ZNF292: variants seen among roughly 807,000 people sequenced by gnomAD.
ZNF292 encodes the protein 16 zinc-finger domain protein.
A neutral mutation model predicts 217.9 loss-of-function variants in ZNF292; 26 were observed. The ratio of observed to expected loss-of-function variants is 0.12; its 90% CI spans 0.09 to 0.17. The LOEUF (loss-of-function observed/expected upper bound fraction) is 0.17, where lower values mean the gene tolerates loss of function less well. ZNF292 is among the 10% of genes least tolerant of loss of function. The probability of loss-of-function intolerance (pLI) is 1.00; values close to 1 mark genes in which losing one functional copy is unlikely to be tolerated. For synonymous variants in ZNF292, 1,257 were observed against 1,124.1 expected (o/e 1.12, Z -2.37); for missense variants, 2,904 against 3,175.2 (o/e 0.91, Z 2.05).
intron 1 of ZNF292, among the ~76,000 whole-genome samples, chr6:87,182,279 G>A (rs1771494485): frequency 6.6e-6 from 1 of 152,156 alleles, no homozygotes; most frequent in Non-Finnish European, 1.5e-5. Context: ...TGTTTCCATA[G>A]TTAAAAGTCT....
intron 1 of ZNF292, among the ~76,000 whole-genome samples, chr6:87,171,282 G>A (rs1024556817): frequency 6.6e-6 from 1 of 152,140 alleles, no homozygotes; most frequent in Non-Finnish European, 1.5e-5. Context: ...AGAGGCTGGG[G>A]ATGAGAGAGA....
At chr6:87,190,829 G>C (rs1771800930) in intron 1 of ZNF292, among the ~76,000 whole-genome samples, 1 of 152,140 alleles carries the variant, frequency 6.6e-6, no homozygotes, top group African/African-American at 2.4e-5. Flanking sequence ...CTGGTACATA[G>C]TATTGATAGT....
At chr6:87,155,783 C>T in intron 1 of ZNF292, 24 bp downstream of exon 1, 2 of 1,564,518 alleles carry the variant, frequency 1.3e-6, no homozygotes, top group Non-Finnish European at 1.7e-6. Flanking sequence ...GTGGTCCCCT[C>T]CCCCTTTCCC....
intron 5 of ZNF292, among the ~76,000 whole-genome samples, chr6:87,243,047 C>G (rs1484737965): frequency 6.6e-6 from 1 of 151,714 alleles, no homozygotes; most frequent in African/African-American, 2.4e-5. Context: ...GTGTACCTCT[C>G]TGTGTGTCTC....
At chr6:87,222,101 C>G (rs1245297387) in intron 4 of ZNF292, among the ~76,000 whole-genome samples, 1 of 151,970 alleles carries the variant, frequency 6.6e-6, no homozygotes, top group East Asian at 1.9e-4. Flanking sequence ...CATATTAGAT[C>G]CCTTCTGTCT....
At chr6:87,184,008 T>A (rs1246828430) in intron 1 of ZNF292, among the ~76,000 whole-genome samples, 1 of 152,224 alleles carries the variant, frequency 6.6e-6, no homozygotes, top group Non-Finnish European at 1.5e-5. Flanking sequence ...CTCCATTTAT[T>A]GAGGAAATTT....
chr6:87,174,538 A>G (rs1031828502), intron 1 of ZNF292, among the ~76,000 whole-genome samples: 18 of 151,858 alleles, frequency 1.2e-4, no homozygotes, highest in African/African-American at 4.4e-4. Flanking sequence ...TTCTGACAGT[A>G]TTTTCTTCCT....
At chr6:87,200,777 A>G (rs989211763) in intron 1 of ZNF292, among the ~76,000 whole-genome samples, 1 of 152,160 alleles carries the variant, frequency 6.6e-6, no homozygotes, top group Non-Finnish European at 1.5e-5. Context: ...TAGCATCCAT[A>G]TTGGAGATTA....
intron 5 of ZNF292, among the ~76,000 whole-genome samples, chr6:87,237,775 T>G (rs1171478501): frequency 6.6e-6 from 1 of 152,236 alleles, no homozygotes; most frequent in Non-Finnish European, 1.5e-5. Flanking sequence ...TTTAAATATT[T>G]TATTAAGAGT....
chr6:87,178,731 TAAC>T (rs1771378686), intron 1 of ZNF292, among the ~76,000 whole-genome samples: 1 of 152,208 alleles, frequency 6.6e-6, no homozygotes, highest in African/African-American at 2.4e-5. Context: ...TAGGAATTTT[TAAC>T]AACACAAGAA....
At chr6:87,216,785 G>T (rs1361701957) in intron 3 of ZNF292, among the ~76,000 whole-genome samples, 3 of 151,906 alleles carry the variant, frequency 2.0e-5, no homozygotes, top group Non-Finnish European at 4.4e-5. Context: ...GGAAACTGAG[G>T]CTCATACTCC....
At position 87,260,724 on chromosome 6, in the gene ZNF292, A is replaced by G. The variant is rs926718720; in HGVS notation, c.7095A>G (p.Val2365=). The change falls in exon 8 of 8, where the codon GTA becomes GTG. Residue 2365 remains valine (V), a synonymous_variant. Transcript: ENST00000369577. ...KPYSLKRGKH[V]YSIKARNDAL... is the part of the protein sequence containing the mutation. ...ATTCTCTGAAACGTGGGAAGCATGT[A>G]TATTCTATAAAGGCTAGAAATGATG... 3.7e-6 allele frequency: 6 copies of G among 1,613,516 alleles called. No individual in the cohort carries two copies. The East Asian group carries it at 8.9e-5, about 24-fold the overall frequency.
chr6:87,172,153 C>T (rs1372799869), intron 1 of ZNF292, among the ~76,000 whole-genome samples: 1 of 152,218 alleles, frequency 6.6e-6, no homozygotes. Context: ...GAAGGAACTG[C>T]ATCCACCTTG....
rs568804868 is a variant in ZNF292, at chr6:87,204,461, C to G, written c.169-11442C>G. The stretch of plus-strand genomic sequence containing the variant: ...AGCTTAGGAAAAAAATGTCTTTGTA[C>G]TGTATCGCCAACTTTTCTGTAACTT... On this transcript the variant is annotated intron_variant, in intron 1 of 7. Coordinates refer to ENST00000369577, the MANE Select transcript of ZNF292 (RefSeq NM_015021.3). 2.1e-4 allele frequency among the ~76,000 whole-genome samples: 31 copies of G among 149,982 alleles called. No individual in the cohort carries two copies. In the South Asian group the frequency reaches 4.0e-3, roughly 19 times the overall value.
chr6:87,260,712 T>A lies in ZNF292; in HGVS notation c.7083T>A (p.Arg2361=). 1 of 1,613,352 alleles carries A rather than the reference T, an allele frequency of 6.2e-7. No homozygotes were observed. Among genetic ancestry groups the A allele is most frequent in the Non-Finnish European group, 8.5e-7 (1 of 1,179,626 alleles). ...IEENKPYSLK[R]GKHVYSIKAR... ...AAAATAAGCCTTATTCTCTGAAACG[T>A]GGGAAGCATGTATATTCTATAAAGG... The change falls in exon 8 of 8, where the codon CGT becomes CGA. Residue 2361 remains arginine, a synonymous_variant. Coordinates refer to ENST00000369577, the MANE Select transcript of ZNF292 (RefSeq NM_015021.3).
intron 7 of ZNF292, among the ~76,000 whole-genome samples, chr6:87,252,838 A>C (rs574678695): frequency 6.6e-6 from 1 of 152,290 alleles, no homozygotes; most frequent in East Asian, 1.9e-4. Context: ...ACAAGTTTAT[A>C]TGAAATCAAG....
intron 1 of ZNF292, among the ~76,000 whole-genome samples, chr6:87,212,600 C>G (rs996919126): frequency 1.3e-5 from 2 of 152,182 alleles, no homozygotes; most frequent in African/African-American, 4.8e-5. Context: ...TTTTATTATA[C>G]CATACTTGTA....
chr6:87,247,270 A>AACAC (rs36133951), intron 7 of ZNF292, among the ~76,000 whole-genome samples: 94,327 of 149,732 alleles, frequency 0.63, 31,323 homozygotes, highest in African/African-American at 0.85. Context: ...TGCCACCCGC[A>AACAC]ACACACACAC....
Position 87,260,943 on chromosome 6 carries a change from G to C in ZNF292, c.7314G>C (p.Thr2438=), listed in dbSNP as rs370273446. 1 of 1,610,566 alleles carries C rather than the reference G, an allele frequency of 6.2e-7. No homozygotes were observed. Among genetic ancestry groups the C allele is most frequent in the Non-Finnish European group, 8.5e-7 (1 of 1,178,186 alleles). The change falls in exon 8 of 8, where the codon ACG becomes ACC. Residue 2438 remains threonine (T), a synonymous_variant. Transcript: ENST00000369577. The part of the protein sequence containing the change: ...KRCCNSQVKE[T]SEQEGAKNDV... ...GTTGCAACTCACAAGTAAAGGAAAC[G>C]TCTGAGCAAGAAGGTGCTAAGAATG...
Sources: gnomAD v4.1 joint callset for allele counts (sites outside exome capture counted in the v4.1 genomes callset) on GRCh38, gnomAD v4.1.1 for gene constraint, MANE v1.5 for transcripts, NCBI Gene and HGNC (gene_info 2026-07-23, HGNC 2026-07-21) for gene names.